The following ATP2A2 variants were observed in gnomAD, a reference collection of about 807,000 sequenced individuals.
ATP2A2 encodes ATPase sarcoplasmic/endoplasmic reticulum Ca2+ transporting 2, also known as sarcoplasmic/endoplasmic reticulum calcium ATPase 2.
In ATP2A2, 14 loss-of-function variants were observed where a neutral mutation model predicts 109.3. That is an observed-to-expected ratio of 0.13 (90% CI 0.08 to 0.20). The LOEUF is 0.20. Ranked by LOEUF, ATP2A2 falls within the 10% of genes least tolerant of loss-of-function variation. The pLI, the probability that ATP2A2 is intolerant of heterozygous loss-of-function variation, is 1.00. For synonymous variants in ATP2A2, 506 were observed against 490.9 expected, an observed-to-expected ratio of 1.03 and a Z score of -0.41; for missense variants, 657 against 1,321.6, an observed-to-expected ratio of 0.50 and a Z score of 7.80.
Position 110,345,272 on chromosome 12 carries a change from G to T in ATP2A2, c.2631G>T (p.Glu877Asp). 1.2e-6 allele frequency: 2 copies of T among 1,614,174 alleles called. No homozygotes were observed. Among genetic ancestry groups the T allele is most frequent in the Non-Finnish European group, 1.7e-6 (2 of 1,180,036 alleles). The change falls in exon 18 of 20, where the codon GAG becomes GAT. Residue 877 changes from glutamate (E) to aspartate (D), a missense_variant. Physicochemically the swap from Glu to Asp is conservative, Grantham distance 45. Coordinates refer to ENST00000539276, the MANE Select transcript of ATP2A2 (RefSeq NM_170665.4). ...AGAGTCATTTCCTACAGTGTAAAGA[G>T]GACAACCCGGACTTTGAAGGCGTGG... ...YQLSHFLQCK[E>D]DNPDFEGVDC...
At chr12:110,343,153 G>A in intron 15 of ATP2A2, 79 bp from the exon 16 acceptor site, 4 of 1,403,558 alleles carry the variant, frequency 2.8e-6, no homozygotes, top group Non-Finnish European at 4.0e-6. Context: ...TCTGGAGGAG[G>A]GCGGGTTGAT....
At chr12:110,320,279 ATTGT>A (rs1272436433) in intron 5 of ATP2A2, among the ~76,000 whole-genome samples, 1 of 152,168 alleles carries the variant, frequency 6.6e-6, no homozygotes, top group Non-Finnish European at 1.5e-5. Context: ...TATATATTGA[ATTGT>A]TTAAGTCTGT....
chr12:110,328,072 A>G (rs192091032), intron 8 of ATP2A2, 55 bp downstream of exon 8: 1,281 of 1,529,240 alleles, frequency 8.4e-4, no homozygotes, highest in Non-Finnish European at 1.0e-3. Context: ...CATCCTACCA[A>G]TATGCCTTCA....
At chr12:110,310,207 G>A (rs902127403) in intron 5 of ATP2A2, among the ~76,000 whole-genome samples, 5 of 150,470 alleles carry the variant, frequency 3.3e-5, no homozygotes, top group African/African-American at 7.3e-5. Flanking sequence ...GGCTGGTCTC[G>A]AACTCCTGAC....
rs1880238129 is a variant in ATP2A2, at chr12:110,349,855, T to C, written c.*3385T>C. ...TGCGGAGGAGTTTCCTCTCCAGGGCTAGGCAAGGCAGGCGAGCAGCCAGAA... is the reference window on the plus strand; with the variant it reads ...TGCGGAGGAGTTTCCTCTCCAGGGCCAGGCAAGGCAGGCGAGCAGCCAGAA... On this transcript the variant is annotated 3_prime_UTR_variant, in exon 20 of 20. Coordinates refer to ENST00000539276, the MANE Select transcript of ATP2A2 (RefSeq NM_170665.4). 5 of 1,054,246 alleles carry C rather than the reference T, an allele frequency of 4.7e-6. No homozygotes were observed. The highest frequency in any genetic ancestry group is 5.7e-6 in the Non-Finnish European group (5 of 871,884). 65.3% of individuals were successfully genotyped at this position (1,054,246 alleles called of 1,614,324 possible). A position where few individuals can be genotyped will look rare whatever the true frequency, so the allele number is the denominator to read the frequency against.
At chr12:110,290,972 G>C (rs539528763) in intron 3 of ATP2A2, among the ~76,000 whole-genome samples, 1 of 151,494 alleles carries the variant, frequency 6.6e-6, no homozygotes. Context: ...GCAATGGTGC[G>C]ATCTTGGCTC....
chr12:110,346,302 C>G lies in ATP2A2; in HGVS notation c.2961C>G (p.Ala987=). ...TGGATGAGACGCTCAAGTTTGTGGC[C>G]CGCAACTACCTGGAACCTGGTAAAG... ...ILMDETLKFV[A]RNYLEPGKEC... is the part of the protein sequence containing the mutation. Residue 987 remains alanine, a synonymous_variant, in exon 20 of 20, where the codon GCC becomes GCG. Transcript: ENST00000539276. 1 of 1,614,188 alleles carries G rather than the reference C, an allele frequency of 6.2e-7. No homozygotes were observed. Among genetic ancestry groups the G allele is most frequent in the Non-Finnish European group, 8.5e-7 (1 of 1,180,042 alleles).
chr12:110,345,112 G>T, intron 17 of ATP2A2, 137 bp from the exon 18 acceptor site: 1 of 1,503,512 alleles, frequency 6.7e-7, no homozygotes, highest in Non-Finnish European at 9.3e-7. Flanking sequence ...AAGGACCAGG[G>T]CTTCTCCGAG....
At chr12:110,305,804 C>T (rs994231531) in intron 5 of ATP2A2, among the ~76,000 whole-genome samples, 1 of 150,866 alleles carries the variant, frequency 6.6e-6, no homozygotes, top group Non-Finnish European at 1.5e-5. Flanking sequence ...TGTGTTGTAT[C>T]TATAGATGAG....
intron 3 of ATP2A2, among the ~76,000 whole-genome samples, chr12:110,291,779 T>A (rs1873337704): frequency 6.6e-6 from 1 of 151,746 alleles, no homozygotes; most frequent in Non-Finnish European, 1.5e-5. Flanking sequence ...CCTGAGTAGC[T>A]GGGATTACAG....
intron 5 of ATP2A2, among the ~76,000 whole-genome samples, chr12:110,312,598 C>T (rs1876200601): frequency 6.6e-6 from 1 of 151,864 alleles, no homozygotes; most frequent in South Asian, 2.1e-4. Flanking sequence ...GCCTGTAATC[C>T]CAGCAATTTA....
intron 5 of ATP2A2, among the ~76,000 whole-genome samples, chr12:110,302,020 TG>T (rs770358980): frequency 1.4e-4 from 22 of 152,236 alleles, no homozygotes; most frequent in Non-Finnish European, 2.9e-4. Flanking sequence ...AATATAGTTT[TG>T]TTGTTGCATT....
In ATP2A2 at chr12:110,346,749, A is replaced by G. The variant is rs1879902148; in HGVS notation, c.*279A>G. 5 of 1,263,388 alleles carry G rather than the reference A, an allele frequency of 4.0e-6. No homozygotes were observed. Among genetic ancestry groups the G allele is most frequent in the Non-Finnish European group, 5.0e-6 (5 of 999,526 alleles). 78.3% of individuals were successfully genotyped at this position (1,263,388 alleles called of 1,614,324 possible). A position where few individuals can be genotyped will look rare whatever the true frequency, so the allele number is the denominator to read the frequency against. ...AAAAGCATGTACAGTGTTCTGTTTA[A>G]TACTCATCCTTGTATAAAAAAAATA... On this transcript the variant is annotated 3_prime_UTR_variant, in exon 20 of 20. Coordinates refer to ENST00000539276, the MANE Select transcript of ATP2A2 (RefSeq NM_170665.4).
chr12:110,304,816 G>A (rs569090305), intron 5 of ATP2A2, among the ~76,000 whole-genome samples: 1 of 152,196 alleles, frequency 6.6e-6, no homozygotes, highest in East Asian at 1.9e-4. Flanking sequence ...CTAAGAAACT[G>A]TTGCCAATTG....
chr12:110,300,115 T>G (rs1874416718), intron 5 of ATP2A2, among the ~76,000 whole-genome samples: 1 of 119,350 alleles, frequency 8.4e-6, no homozygotes, highest in African/African-American at 3.6e-5. Flanking sequence ...TCCTCCCCCT[T>G]TCCCTCCCCT....
At chr12:110,317,420 G>GTTT (rs147920837) in intron 5 of ATP2A2, among the ~76,000 whole-genome samples, 1 of 151,714 alleles carries the variant, frequency 6.6e-6, no homozygotes, top group Non-Finnish European at 1.5e-5. Context: ...GTTTGTTTGG[G>GTTT]TTTTTTTTGA....
In ATP2A2 at chr12:110,340,588, G is replaced by C; in HGVS notation, c.1762-71G>C. 6.7e-7 allele frequency: 1 copy of C among 1,488,752 alleles called. No homozygotes were observed. The highest frequency in any genetic ancestry group is 9.3e-7 in the Non-Finnish European group (1 of 1,073,766). 92.2% of individuals were successfully genotyped at this position (1,488,752 alleles called of 1,614,324 possible). ...CAGAAACCTGTCTCAATGTTTAACT[G>C]GGCATTTTTCAAACTAGGGGACAAA... On this transcript the variant is annotated intron_variant, in intron 13 of 19. Transcript: ENST00000539276. This position sits in a 1 kb window ranked among gnomAD's most constrained non-coding sequence, Gnocchi z 6.0.
intron 6 of ATP2A2, among the ~76,000 whole-genome samples, chr12:110,323,558 C>A (rs1269637002): frequency 6.6e-6 from 1 of 152,050 alleles, no homozygotes; most frequent in Admixed American, 6.6e-5. Context: ...GCATGTAATT[C>A]CAACACTTTG....
At chr12:110,324,712 T>C (rs1445412003) in intron 6 of ATP2A2, among the ~76,000 whole-genome samples, 3 of 151,740 alleles carry the variant, frequency 2.0e-5, no homozygotes, top group African/African-American at 7.3e-5. Context: ...TTAAAAACTT[T>C]TTAGGCTGGT....
Sources: gnomAD v4.1 joint callset for allele counts (sites outside exome capture counted in the v4.1 genomes callset) on GRCh38, gnomAD v4.1.1 for gene constraint, Gnocchi (gnomAD v3.1) non-coding constraint, MANE v1.5 for transcripts, NCBI Gene and HGNC (gene_info 2026-07-23, HGNC 2026-07-21) for gene names.